The following RTTN variants were observed in gnomAD, a reference collection of about 807,000 sequenced individuals.
RTTN encodes rotatin.
A neutral mutation model predicts 269.2 loss-of-function variants in RTTN; 182 were observed. That is an observed-to-expected ratio of 0.68 (90% confidence interval 0.60 to 0.76). The LOEUF is 0.76. RTTN is among the 30% of genes least tolerant of loss of function. The pLI is 0.00. For missense variants in RTTN, 2,545 were observed against 2,608.6 expected, an observed-to-expected ratio of 0.98 and a Z score of 0.53; for synonymous variants, 1,006 against 963.5, an observed-to-expected ratio of 1.04 and a Z score of -0.82.
chr18:70,075,805 A>G (rs2058414717), intron 32 of RTTN, among the ~76,000 whole-genome samples: 1 of 152,082 alleles, frequency 6.6e-6, no homozygotes, highest in Non-Finnish European at 1.5e-5. Context: ...AAATGTTTCT[A>G]TGGAATGATC....
chr18:70,134,581 A>G, intron 22 of RTTN, 40 bp from the exon 23 acceptor site: 1 of 1,432,484 alleles, frequency 7.0e-7, no homozygotes, highest in South Asian at 1.2e-5. Flanking sequence ...GAAACAACTG[A>G]GTAGACCAAG....
chr18:70,139,925 G>C (rs2060214245), intron 20 of RTTN, 175 bp downstream of exon 20: 3 of 621,474 alleles, frequency 4.8e-6, no homozygotes, highest in Non-Finnish European at 5.6e-6. Context: ...TTTAGGATTA[G>C]TTTTCCTTTA....
At chr18:70,160,394 T>G (rs1412385398) in intron 14 of RTTN, among the ~76,000 whole-genome samples, 1 of 152,070 alleles carries the variant, frequency 6.6e-6, no homozygotes, top group East Asian at 1.9e-4. Context: ...TCCTTCTTGT[T>G]AAAAACCCTC....
intron 23 of RTTN, among the ~76,000 whole-genome samples, chr18:70,132,296 T>C (rs183413004): frequency 1.1e-3 from 167 of 152,174 alleles, no homozygotes; most frequent in African/African-American, 3.5e-3. Context: ...ATAAACCTGA[T>C]ATATTTTGAG....
chr18:70,097,098 T>C (rs1043220479), intron 28 of RTTN, among the ~76,000 whole-genome samples: 9 of 152,212 alleles, frequency 5.9e-5, no homozygotes, highest in African/African-American at 2.2e-4. Context: ...CAACTTGATA[T>C]TTTTGTCAGA....
intron 26 of RTTN, among the ~76,000 whole-genome samples, chr18:70,118,001 T>C (rs1599637275): frequency 6.6e-6 from 1 of 151,854 alleles, no homozygotes; most frequent in African/African-American, 2.4e-5. Context: ...AAGAAGGACA[T>C]ACATAACAAT....
chr18:70,037,122 G>A (rs900571140), intron 40 of RTTN, among the ~76,000 whole-genome samples: 2 of 152,214 alleles, frequency 1.3e-5, no homozygotes, highest in African/African-American at 4.8e-5. Context: ...AGTCAGAAGT[G>A]GAGTTTCTTG....
intron 11 of RTTN, among the ~76,000 whole-genome samples, chr18:70,174,010 G>A (rs2061218420): frequency 6.6e-6 from 1 of 152,068 alleles, no homozygotes; most frequent in African/African-American, 2.4e-5. Context: ...GGAGGGAGAG[G>A]TAACAGAGAA....
chr18:70,196,561 T>C lies in RTTN; in HGVS notation c.781A>G (p.Met261Val). Residue 261 changes from methionine (M) to valine (V), a missense_variant, in exon 7 of 49, where the codon ATG becomes GTG. Met to Val is a conservative substitution (Grantham distance 21). Transcript: ENST00000640769. ...QSVSCLQQLC[M>V]YLRNRLNFHR... ...AAGTTAAGTCTGTTTCTTAAATACA[T>C]GCACAGCTGCTGCAGGCAGGACACC... 1.9e-6 allele frequency: 3 copies of C among 1,613,684 alleles called. No individual in the cohort carries two copies. The highest frequency in any genetic ancestry group is 3.3e-5 in the Admixed American group (2 of 59,952).
intron 18 of RTTN, among the ~76,000 whole-genome samples, chr18:70,144,800 C>T (rs1169899799): frequency 6.6e-6 from 1 of 152,068 alleles, no homozygotes; most frequent in African/African-American, 2.4e-5. Context: ...ACAAAAAAAC[C>T]GACTGTATTA....
intron 34 of RTTN, among the ~76,000 whole-genome samples, chr18:70,071,850 GAT>G (rs1343751373): frequency 2.0e-5 from 3 of 152,090 alleles, no homozygotes; most frequent in African/African-American, 7.2e-5. Context: ...TCCTTGGAAA[GAT>G]AAAATGGAAA....
In RTTN at chr18:70,092,823, C is replaced by T; in HGVS notation, c.3904-19G>A. 1 of 1,590,942 alleles carries T rather than the reference C, an allele frequency of 6.3e-7. No individual in the cohort carries two copies. The highest frequency in any genetic ancestry group is 2.3e-5 in the East Asian group (1 of 44,402). ...TAATGACCTGAAAAACAAATGTAAACAATTTCATGGTGGCTTTATTCTCAA... is the reference window on the plus strand; with the variant it reads ...TAATGACCTGAAAAACAAATGTAAATAATTTCATGGTGGCTTTATTCTCAA... On this transcript the variant is annotated intron_variant, in intron 28 of 48. Transcript: ENST00000640769.
chr18:70,046,005 G>T (rs2057480222), intron 40 of RTTN, among the ~76,000 whole-genome samples: 1 of 152,016 alleles, frequency 6.6e-6, no homozygotes, highest in African/African-American at 2.4e-5. Flanking sequence ...ATATTACAAA[G>T]TATTAGGTAA....
chr18:70,197,438 A>C (rs1267768652), intron 6 of RTTN, among the ~76,000 whole-genome samples, 186 bp downstream of exon 6: 1 of 152,218 alleles, frequency 6.6e-6, no homozygotes, highest in African/African-American at 2.4e-5. Context: ...AAATGAAACT[A>C]CTACTATTGG....
At chr18:70,153,077 G>A in intron 14 of RTTN, among the ~76,000 whole-genome samples, 1 of 151,964 alleles carries the variant, frequency 6.6e-6, no homozygotes, top group East Asian at 1.9e-4. Context: ...TTCACCTGTT[G>A]TTTCCTCGGG....
At chr18:70,138,664 T>A (rs1040826886) in intron 21 of RTTN, 1 of 152,162 alleles carries the variant, frequency 6.6e-6, no homozygotes, top group African/African-American at 2.4e-5. Context: ...ACTCAAAATG[T>A]TATGAGCCTA....
rs1290652773 is a variant in RTTN at position 70,006,361 on chromosome 18, C to CAA, written c.6525+18_6525+19dup. The CAA allele has an allele frequency of 2.2e-5, 34 of 1,576,596 alleles. No individual in the cohort carries two copies. The highest frequency in any genetic ancestry group is 2.4e-5 in the Non-Finnish European group (28 of 1,145,958). ...CTTGTTGTTTGCTCCCCAGGTGTAACAATGATTTTTAAAACTGACCTTCTG... is the reference window on the plus strand; with the variant it reads ...CTTGTTGTTTGCTCCCCAGGTGTAACAAAATGATTTTTAAAACTGACCTTCTG... On this transcript the variant is annotated intron_variant, in intron 47 of 48. Coordinates refer to ENST00000640769, the MANE Select transcript of RTTN (RefSeq NM_173630.4).
intron 43 of RTTN, 51 bp downstream of exon 43, chr18:70,028,673 C>G (rs772847889): frequency 9.4e-7 from 1 of 1,067,758 alleles, no homozygotes; most frequent in African/African-American, 1.6e-5. Context: ...AAAAATTAAA[C>G]TGCTTAATAC....
At chr18:70,060,168 T>A (rs1264177664) in intron 35 of RTTN, 126 bp from the exon 36 acceptor site, 1 of 839,424 alleles carries the variant, frequency 1.2e-6, no homozygotes, top group Admixed American at 2.9e-5. Context: ...TGCCTTAGCT[T>A]CTTGGCTCAT....
Sources: gnomAD v4.1 joint callset for allele counts (sites outside exome capture counted in the v4.1 genomes callset) on GRCh38, gnomAD v4.1.1 for gene constraint, MANE v1.5 for transcripts, NCBI Gene and HGNC (gene_info 2026-07-23, HGNC 2026-07-21) for gene names.